Variants in PLS1 observed in about 807,000 individuals in gnomAD.
PLS1 encodes the protein plastin-1.
Under a neutral mutation model 73.7 loss-of-function variants are expected in PLS1, and 32 were observed. That is an observed-to-expected ratio of 0.43 (90% CI 0.33 to 0.58). PLS1 has a LOEUF of 0.58. Ranked by LOEUF, PLS1 falls within the 20% of genes least tolerant of loss-of-function variation. The pLI is 0.04. For missense variants in PLS1, 633 were observed against 740.5 expected (o/e 0.85, Z 1.68); for synonymous variants, 217 against 261.3 (o/e 0.83, Z 1.63).
At chr3:142,687,640 A>G (rs948971454) in intron 9 of PLS1, among the ~76,000 whole-genome samples, 2 of 152,200 alleles carry the variant, frequency 1.3e-5, no homozygotes, top group Non-Finnish European at 2.9e-5. Flanking sequence ...CTCAGTTTCA[A>G]CATCTGCCAA....
chr3:142,651,657 A>G (rs920271757), intron 1 of PLS1, among the ~76,000 whole-genome samples: 1 of 152,118 alleles, frequency 6.6e-6, no homozygotes, highest in Non-Finnish European at 1.5e-5. Context: ...AACACACAGC[A>G]TTTCCATCAA....
chr3:142,630,466 A>G (rs2036533801), intron 1 of PLS1, among the ~76,000 whole-genome samples: 1 of 149,838 alleles, frequency 6.7e-6, no homozygotes, highest in African/African-American at 2.5e-5. Context: ...GAAATATAAA[A>G]TCCTGGCTGG....
chr3:142,658,387 A>C (rs887082488), intron 1 of PLS1, among the ~76,000 whole-genome samples: 2 of 151,922 alleles, frequency 1.3e-5, no homozygotes, highest in Middle Eastern at 3.4e-3. Flanking sequence ...GAGGTAGGAA[A>C]ATTGCTTAAA....
intron 10 of PLS1, among the ~76,000 whole-genome samples, chr3:142,691,182 C>T (rs189415280): frequency 2.1e-4 from 32 of 151,728 alleles, no homozygotes; most frequent in African/African-American, 7.2e-4. Flanking sequence ...TAATGAACGA[C>T]GTTTCAGATT....
chr3:142,694,895 T>C (rs2038161900), intron 11 of PLS1, among the ~76,000 whole-genome samples: 1 of 152,220 alleles, frequency 6.6e-6, no homozygotes, highest in South Asian at 2.1e-4. Context: ...TTCATTTATT[T>C]TTGCCAAAAC....
Position 142,601,638 on chromosome 3 carries a change from TCC to T in PLS1, c.-37+5131_-37+5132del, listed in dbSNP as rs1416180839. 2.0e-5 allele frequency among the ~76,000 whole-genome samples: 3 copies of T among 152,102 alleles called. No individual in the cohort carries two copies. The East Asian group carries it at 5.8e-4, about 29-fold the overall frequency. Reference sequence around the variant, plus strand: ...TTGAACTCCTGGGCTCAAGCAGTCCTCCCGCCTCAGCCTCCCAGGTGTGGACC... The same window carrying T: ...TTGAACTCCTGGGCTCAAGCAGTCCTCGCCTCAGCCTCCCAGGTGTGGACC... On this transcript the variant is annotated intron_variant, in intron 1 of 15. Transcript: ENST00000457734.
At chr3:142,684,997 C>T (rs946976797) in intron 8 of PLS1, among the ~76,000 whole-genome samples, 3 of 152,016 alleles carry the variant, frequency 2.0e-5, no homozygotes, top group Non-Finnish European at 4.4e-5. Flanking sequence ...CTTTTTTCTT[C>T]TCTCTGTTTC....
rs2107935890 is a variant in PLS1 at position 142,698,085 on chromosome 3, C to T, written c.1371+18C>T. 7.8e-7 allele frequency: 1 copy of T among 1,275,168 alleles called. No individual in the cohort carries two copies. The highest frequency in any genetic ancestry group is 1.2e-5 in the South Asian group (1 of 83,952). 79.0% of individuals were successfully genotyped at this position (1,275,168 alleles called of 1,614,324 possible). A position where few individuals can be genotyped will look rare whatever the true frequency, so the allele number is the denominator to read the frequency against. Reference sequence around the variant, plus strand: ...TGAAGAAGGTGAATGAAATAATGGCCATGGATATATTGTTATTGTTCTGAT... The same window carrying T: ...TGAAGAAGGTGAATGAAATAATGGCTATGGATATATTGTTATTGTTCTGAT... On this transcript the variant is annotated intron_variant, in intron 12 of 15. Coordinates refer to ENST00000457734, the MANE Select transcript of PLS1 (RefSeq NM_001145319.2).
At chr3:142,681,155 C>T (rs2037844616) in intron 6 of PLS1, among the ~76,000 whole-genome samples, 1 of 151,976 alleles carries the variant, frequency 6.6e-6, no homozygotes, top group Non-Finnish European at 1.5e-5. Context: ...GTGGCTACCG[C>T]AAAATACTTA....
intron 1 of PLS1, chr3:142,619,575 C>T (rs978964878): frequency 2.6e-5 from 4 of 152,194 alleles, no homozygotes; most frequent in Admixed American, 6.5e-5. Context: ...GAGTTCTTCT[C>T]TAAGATGTTT....
chr3:142,650,638 A>G (rs1033549288), intron 1 of PLS1, among the ~76,000 whole-genome samples: 2 of 152,220 alleles, frequency 1.3e-5, no homozygotes, highest in Non-Finnish European at 2.9e-5. Flanking sequence ...ACCTCAGCCA[A>G]AAATGGCATG....
intron 1 of PLS1, among the ~76,000 whole-genome samples, chr3:142,644,569 A>C (rs17623267): frequency 0.62 from 94,523 of 152,028 alleles, 29,813 homozygotes; most frequent in African/African-American, 0.66. Flanking sequence ...GTAGTTTTTT[A>C]TTTAAAGTCC....
At chr3:142,665,170 T>C (rs1241338946) in intron 2 of PLS1, among the ~76,000 whole-genome samples, 1 of 151,918 alleles carries the variant, frequency 6.6e-6, no homozygotes, top group African/African-American at 2.4e-5. Flanking sequence ...TGATCACCGC[T>C]GGTCTTGTGC....
chr3:142,697,120 C>T (rs2038227188), intron 11 of PLS1, among the ~76,000 whole-genome samples: 1 of 152,254 alleles, frequency 6.6e-6, no homozygotes, highest in South Asian at 2.1e-4. Flanking sequence ...GCTTTATGTC[C>T]TTAGCATACA....
intron 1 of PLS1, among the ~76,000 whole-genome samples, chr3:142,659,782 C>T (rs1348247533): frequency 1.3e-5 from 2 of 151,718 alleles, no homozygotes; most frequent in Non-Finnish European, 2.9e-5. Context: ...CTGTAACCTC[C>T]GCCTCTTGGG....
At chr3:142,706,337 G>T (rs1156691188) in intron 14 of PLS1, among the ~76,000 whole-genome samples, 1 of 152,128 alleles carries the variant, frequency 6.6e-6, no homozygotes, top group Non-Finnish European at 1.5e-5. Context: ...CAATTGAATG[G>T]TCAGTGAAGA....
At chr3:142,692,788 T>A (rs1207774781) in intron 10 of PLS1, among the ~76,000 whole-genome samples, 1 of 152,044 alleles carries the variant, frequency 6.6e-6, no homozygotes, top group Non-Finnish European at 1.5e-5. Context: ...TTTAAGACAT[T>A]TAGATTTTCC....
At chr3:142,617,977 C>CA (rs2036245823) in intron 1 of PLS1, among the ~76,000 whole-genome samples, 1 of 151,926 alleles carries the variant, frequency 6.6e-6, no homozygotes. Context: ...GACTCTGTCT[C>CA]AAAAAAGAAA....
intron 1 of PLS1, among the ~76,000 whole-genome samples, chr3:142,616,316 A>G (rs1450794134): frequency 6.6e-6 from 1 of 152,218 alleles, no homozygotes; most frequent in Non-Finnish European, 1.5e-5. Flanking sequence ...CCTTTTCTAT[A>G]AAGGATAAGG....
Sources: gnomAD v4.1 joint callset for allele counts (sites outside exome capture counted in the v4.1 genomes callset) on GRCh38, gnomAD v4.1.1 for gene constraint, MANE v1.5 for transcripts, NCBI Gene and HGNC (gene_info 2026-07-23, HGNC 2026-07-21) for gene names.